Variants in GPHN observed in about 807,000 individuals in gnomAD.
GPHN encodes the protein gephyrin.
A neutral mutation model predicts 95.5 loss-of-function variants in GPHN; 17 were observed. The observed-to-expected ratio is 0.18, with a 90% confidence interval of 0.12 to 0.27. GPHN has a LOEUF of 0.27. Among genes scored for constraint, GPHN ranks in the 10% least tolerant of loss-of-function variants. The pLI, the probability that GPHN is intolerant of heterozygous loss-of-function variation, is 1.00. For synonymous variants in GPHN, 320 were observed against 322.5 expected, an observed-to-expected ratio of 0.99 and a Z score of 0.08; for missense variants, 660 against 978.1, an observed-to-expected ratio of 0.67 and a Z score of 4.34.
At chr14:66,633,266 T>C (rs1021895694) in intron 1 of GPHN, among the ~76,000 whole-genome samples, 1 of 152,146 alleles carries the variant, frequency 6.6e-6, no homozygotes, top group African/African-American at 2.4e-5. Flanking sequence ...TACTTCAATT[T>C]CTTATAAGAA....
chr14:66,561,136 C>T (rs886539525), intron 1 of GPHN, among the ~76,000 whole-genome samples: 50 of 152,170 alleles, frequency 3.3e-4, no homozygotes, highest in Middle Eastern at 3.4e-3. Flanking sequence ...CTGCTGGATT[C>T]GGTTTGCCAG....
chr14:67,531,744 ATTT>A, the GPHN span, among the ~76,000 whole-genome samples: 1 of 131,142 alleles, frequency 7.6e-6, no homozygotes. Flanking sequence ...AAAAAAAAAA[ATTT>A]TTTTTTTTTT....
At chr14:67,336,980 GCTTAGA>G in the GPHN span, among the ~76,000 whole-genome samples, 1 of 152,184 alleles carries the variant, frequency 6.6e-6, no homozygotes, top group Admixed American at 6.5e-5. Flanking sequence ...AAGGTAGACT[GCTTAGA>G]CTTAAATTCT....
chr14:67,029,057 C>T (rs576588979), intron 10 of GPHN, among the ~76,000 whole-genome samples: 8 of 152,126 alleles, frequency 5.3e-5, no homozygotes, highest in African/African-American at 1.7e-4. Context: ...AAAAGATAGG[C>T]GTCTAATTTC....
the GPHN span, among the ~76,000 whole-genome samples, chr14:67,398,343 G>A: frequency 3.9e-5 from 6 of 151,988 alleles, no homozygotes; most frequent in African/African-American, 7.2e-5. Context: ...TCCCACCTCA[G>A]AAAGGGATCC....
intron 17 of GPHN, among the ~76,000 whole-genome samples, chr14:67,140,405 G>A (rs964714670): frequency 1.3e-5 from 2 of 150,016 alleles, no homozygotes; most frequent in Admixed American, 6.7e-5. Flanking sequence ...AAAAAAGTAC[G>A]ATAAAGCACT....
chr14:67,273,205 G>T, the GPHN span, among the ~76,000 whole-genome samples: 1 of 151,154 alleles, frequency 6.6e-6, no homozygotes, highest in Non-Finnish European at 1.5e-5. Flanking sequence ...CCATGTTGGT[G>T]TGCTGCACCC....
chr14:67,397,394 G>A, the GPHN span, among the ~76,000 whole-genome samples: 2 of 152,198 alleles, frequency 1.3e-5, no homozygotes, highest in Admixed American at 6.5e-5. Context: ...CTAATACACC[G>A]TGACCTTCAT....
chr14:66,718,745 C>T (rs997446300), intron 2 of GPHN, among the ~76,000 whole-genome samples: 8 of 152,266 alleles, frequency 5.3e-5, no homozygotes, highest in East Asian at 1.9e-4. Context: ...TTACAATCCT[C>T]TAGCTAGACA....
chr14:67,123,540 G>A (rs951303412), intron 17 of GPHN, among the ~76,000 whole-genome samples: 1 of 152,156 alleles, frequency 6.6e-6, no homozygotes, highest in Non-Finnish European at 1.5e-5. Context: ...CCTAGGTGTG[G>A]TGGTACACAT....
the GPHN span, among the ~76,000 whole-genome samples, chr14:67,265,817 A>G: frequency 2.0e-5 from 3 of 151,110 alleles, no homozygotes; most frequent in Non-Finnish European, 4.4e-5. Context: ...AAATCGCGCC[A>G]CTGCACTCCA....
intron 2 of GPHN, among the ~76,000 whole-genome samples, chr14:66,767,908 T>G (rs2059022344): frequency 6.6e-6 from 1 of 151,974 alleles, no homozygotes; most frequent in South Asian, 2.1e-4. Flanking sequence ...AAGAGAATAC[T>G]TGCACATATC....
At chr14:66,818,124 T>C (rs988534938) in intron 3 of GPHN, among the ~76,000 whole-genome samples, 2 of 152,168 alleles carry the variant, frequency 1.3e-5, no homozygotes, top group Admixed American at 6.5e-5. Context: ...AATTGAAGTT[T>C]AGGGGTACAT....
At chr14:67,343,380 A>C in the GPHN span, 1 of 1,611,954 alleles carries the variant, frequency 6.2e-7, no homozygotes, top group Non-Finnish European at 8.5e-7. Context: ...ACCATGTTCA[A>C]TGGCATTTAC....
chr14:67,634,591 C>T, the GPHN span, among the ~76,000 whole-genome samples: 1 of 134,290 alleles, frequency 7.4e-6, no homozygotes, highest in Non-Finnish European at 1.6e-5. Context: ...CAGACCGTGT[C>T]TCCAAAAAAA....
At chr14:66,965,390 A>G in intron 9 of GPHN, 65 bp downstream of exon 9, 1 of 1,394,030 alleles carries the variant, frequency 7.2e-7, no homozygotes, top group Non-Finnish European at 1.0e-6. Context: ...ACTAACCAAT[A>G]TTTCCTCCTG....
Position 67,180,960 on chromosome 14 carries a change from T to G in GPHN, c.*23T>G. ...TGATGGTCACCAGCAGGAGAAAGCT[T>G]TGATGCATGTCCACATATCATTGAC... On this transcript the variant is annotated 3_prime_UTR_variant, in exon 23 of 23. Coordinates refer to ENST00000478722, the MANE Select transcript of GPHN (RefSeq NM_020806.5). 1 of 1,612,230 alleles carries G rather than the reference T, an allele frequency of 6.2e-7. No individual in the cohort carries two copies. The highest frequency in any genetic ancestry group is 8.5e-7 in the Non-Finnish European group (1 of 1,178,412).
intron 13 of GPHN, among the ~76,000 whole-genome samples, chr14:67,104,938 T>A (rs1257093155): frequency 6.6e-6 from 1 of 152,138 alleles, no homozygotes; most frequent in Non-Finnish European, 1.5e-5. Flanking sequence ...CTATGTTGTT[T>A]CATTGAAATC....
At chr14:67,682,812 T>A in the GPHN span, among the ~76,000 whole-genome samples, 1 of 152,186 alleles carries the variant, frequency 6.6e-6, no homozygotes, top group African/African-American at 2.4e-5. Context: ...TTCAAATAGC[T>A]AAAAAGTGCA....
Sources: allele counts gnomAD v4.1 joint callset (sites outside exome capture counted in the v4.1 genomes callset), GRCh38; gene constraint gnomAD v4.1.1; transcripts MANE v1.5; gene names NCBI Gene and HGNC (gene_info 2026-07-23, HGNC 2026-07-21).